TXLNB: variants seen among roughly 807,000 people sequenced by gnomAD.
TXLNB encodes taxilin beta, also known as beta-taxilin.
TXLNB carries 37 observed loss-of-function variants against 57.4 expected under a neutral mutation model. That is an observed-to-expected ratio of 0.64 (90% CI 0.50 to 0.85). TXLNB has a LOEUF of 0.85. TXLNB is among the 40% of genes least tolerant of loss of function. TXLNB has a pLI of 0.00. For missense variants in TXLNB, 848 were observed against 825.6 expected (o/e 1.03, Z -0.33); for synonymous variants, 302 against 309.6 (o/e 0.98, Z 0.26).
In TXLNB at chr6:139,242,378, G is replaced by T. The variant is rs1582985989; in HGVS notation, c.*148C>A. ...TGACAACAAATAGCAAAGTCTGAAT[G>T]AATGTGTTCTGCCTAACATTAAAAA... On this transcript the variant is annotated 3_prime_UTR_variant, in exon 10 of 10. Coordinates refer to ENST00000358430, the MANE Select transcript of TXLNB (RefSeq NM_153235.4). The T allele has an allele frequency of 3.6e-6, 2 of 553,298 alleles. No individual in the cohort carries two copies. The highest frequency in any genetic ancestry group is 2.8e-6 in the Non-Finnish European group (1 of 359,290). The allele number at this position is 553,298 out of a possible 1,614,324, so 34.3% of individuals were successfully genotyped here. A position where few individuals can be genotyped will look rare whatever the true frequency, so the allele number is the denominator to read the frequency against.
chr6:139,174,696 C>A, the TXLNB span: 1 of 1,094,278 alleles, frequency 9.1e-7, no homozygotes, highest in Non-Finnish European at 1.2e-6. Context: ...GAATACTATT[C>A]AGTCATTAAA....
chr6:139,308,010 CA>C, the TXLNB span, among the ~76,000 whole-genome samples: 1 of 59,930 alleles, frequency 1.7e-5, no homozygotes, highest in African/African-American at 6.0e-5. Context: ...TTTCAGAACC[CA>C]GGAATAGTAT....
At chr6:139,251,547 T>C (rs959289480) in intron 7 of TXLNB, 4 of 152,248 alleles carry the variant, frequency 2.6e-5, no homozygotes, top group African/African-American at 9.6e-5. Flanking sequence ...TGGTTTCATG[T>C]GTCATATTCC....
the TXLNB span, among the ~76,000 whole-genome samples, chr6:139,173,291 T>A: frequency 6.6e-6 from 1 of 152,210 alleles, no homozygotes; most frequent in East Asian, 1.9e-4. Context: ...CATACACTTA[T>A]AAAGTGCTTT....
the TXLNB span, among the ~76,000 whole-genome samples, chr6:139,217,864 CAAAAAAAAA>C: frequency 1.9e-5 from 1 of 51,916 alleles, no homozygotes; most frequent in African/African-American, 6.0e-5. Context: ...GCAAGAGTCT[CAAAAAAAAA>C]AAAAAAAAAA....
At chr6:139,226,170 T>C in the TXLNB span, among the ~76,000 whole-genome samples, 96,969 of 151,166 alleles carry the variant, frequency 0.64, 31,818 homozygotes, top group East Asian at 0.82. Context: ...TGGTGATGCG[T>C]GCCTGTAGTC....
At chr6:139,167,451 A>AACTT in the TXLNB span, 10 of 777,318 alleles carry the variant, frequency 1.3e-5, no homozygotes, top group Admixed American at 3.0e-5. Flanking sequence ...GGTGCTAGGT[A>AACTT]ACATTTGAAT....
At chr6:139,317,790 A>G in the TXLNB span, among the ~76,000 whole-genome samples, 1 of 152,188 alleles carries the variant, frequency 6.6e-6, no homozygotes, top group Admixed American at 6.5e-5. Flanking sequence ...TGATCCAATG[A>G]AAGTTATAGT....
At chr6:139,265,479 G>T (rs954139300) in intron 4 of TXLNB, among the ~76,000 whole-genome samples, 1 of 152,044 alleles carries the variant, frequency 6.6e-6, no homozygotes, top group Non-Finnish European at 1.5e-5. Context: ...ACTCATTAAA[G>T]AAGCGGTTTT....
the TXLNB span, among the ~76,000 whole-genome samples, chr6:139,322,228 C>A: frequency 1.7e-4 from 26 of 152,188 alleles, no homozygotes; most frequent in Non-Finnish European, 3.4e-4. Context: ...TTATAAAGAA[C>A]AGGCATTTAT....
At chr6:139,166,825 G>GTCCCCACCCACGGGCTAC in the TXLNB span, 7 of 1,613,740 alleles carry the variant, frequency 4.3e-6, no homozygotes, top group Non-Finnish European at 5.9e-6. Flanking sequence ...CCCCGGGCCA[G>GTCCCCACCCACGGGCTAC]TCCCCACCCA....
chr6:139,278,725 G>A (rs1367790147), intron 2 of TXLNB, among the ~76,000 whole-genome samples: 5 of 152,214 alleles, frequency 3.3e-5, no homozygotes, highest in Admixed American at 3.3e-4. Flanking sequence ...AACAAAGCTG[G>A]CCAGGCACGG....
At chr6:139,177,204 T>C in the TXLNB span, 1 of 648,312 alleles carries the variant, frequency 1.5e-6, no homozygotes. This position sits in a 1 kb window ranked among gnomAD's most constrained non-coding sequence, Gnocchi z 4.9. Context: ...TCCTTTCTAA[T>C]TTAAAGGAGA....
At chr6:139,285,928 G>C (rs896519687) in intron 2 of TXLNB, among the ~76,000 whole-genome samples, 2 of 145,066 alleles carry the variant, frequency 1.4e-5, no homozygotes, top group African/African-American at 5.1e-5. Flanking sequence ...TTTTACCCAC[G>C]AGAGGCCTCT....
intron 2 of TXLNB, among the ~76,000 whole-genome samples, chr6:139,279,231 T>C (rs1776982155): frequency 6.6e-6 from 1 of 152,218 alleles, no homozygotes; most frequent in Admixed American, 6.5e-5. Flanking sequence ...TCTTCCCACA[T>C]TAAGTATCTT....
chr6:139,280,976 T>A (rs920574434), intron 2 of TXLNB, among the ~76,000 whole-genome samples: 1 of 152,226 alleles, frequency 6.6e-6, no homozygotes, highest in African/African-American at 2.4e-5. Context: ...TATTATTAAA[T>A]TCACACTGGA....
the TXLNB span, among the ~76,000 whole-genome samples, chr6:139,223,864 C>T: frequency 1.3e-5 from 2 of 151,654 alleles, no homozygotes; most frequent in South Asian, 4.2e-4. Context: ...TAAACTAGTT[C>T]AACCATTGTG....
chr6:139,252,182 T>G (rs1328088963), intron 7 of TXLNB, among the ~76,000 whole-genome samples: 1 of 152,236 alleles, frequency 6.6e-6, no homozygotes, highest in Non-Finnish European at 1.5e-5. Flanking sequence ...GACTGAAAAG[T>G]GACTTCTCTA....
At chr6:139,228,748 GA>G in the TXLNB span, among the ~76,000 whole-genome samples, 1 of 152,088 alleles carries the variant, frequency 6.6e-6, no homozygotes, top group Non-Finnish European at 1.5e-5. Flanking sequence ...ACACGTGGGC[GA>G]GCACACTGGA....
Sources: gnomAD v4.1 joint callset for allele counts (sites outside exome capture counted in the v4.1 genomes callset) on GRCh38, gnomAD v4.1.1 for gene constraint, Gnocchi (gnomAD v3.1) non-coding constraint, MANE v1.5 for transcripts, NCBI Gene and HGNC (gene_info 2026-07-23, HGNC 2026-07-21) for gene names.